Variants in ITGA9 observed in about 807,000 individuals in gnomAD.
The protein encoded by ITGA9 is integrin alpha-9.
ITGA9 carries 56 observed loss-of-function variants against 127.8 expected under a neutral mutation model. The observed-to-expected ratio is 0.44, with a 90% CI of 0.35 to 0.55. The LOEUF (loss-of-function observed/expected upper bound fraction) is 0.55. Ranked by LOEUF, ITGA9 falls within the 20% of genes least tolerant of loss-of-function variation. The pLI, the probability that ITGA9 is intolerant of heterozygous loss-of-function variation, is 0.00. For synonymous variants in ITGA9, 508 were observed against 514.5 expected (o/e 0.99, Z 0.17); for missense variants, 1,196 against 1,347.1 (o/e 0.89, Z 1.76).
intron 1 of ITGA9, among the ~76,000 whole-genome samples, chr3:37,463,919 A>G (rs1698342891): frequency 6.6e-6 from 1 of 152,226 alleles, no homozygotes; most frequent in African/African-American, 2.4e-5. Flanking sequence ...AGGGCATTGC[A>G]GTGGGAATAC....
chr3:37,458,569 C>T (rs1698284317), intron 1 of ITGA9, among the ~76,000 whole-genome samples: 1 of 152,238 alleles, frequency 6.6e-6, no homozygotes, highest in Non-Finnish European at 1.5e-5. Context: ...AAAGCTGCAG[C>T]TGGAGGCTGT....
At chr3:37,777,312 C>T (rs915575425) in intron 23 of ITGA9, 80 bp from the exon 24 acceptor site, 1 of 1,497,860 alleles carries the variant, frequency 6.7e-7, no homozygotes, top group Non-Finnish European at 9.3e-7. Flanking sequence ...TCTACCACTC[C>T]TGCCTCTACA....
chr3:37,764,934 C>G (rs769099357), intron 23 of ITGA9, among the ~76,000 whole-genome samples: 1 of 152,204 alleles, frequency 6.6e-6, no homozygotes, highest in African/African-American at 2.4e-5. Flanking sequence ...CCATTACTCT[C>G]TATCTCATTT....
intron 17 of ITGA9, among the ~76,000 whole-genome samples, chr3:37,671,785 A>T (rs1324111407): frequency 1.3e-5 from 2 of 152,166 alleles, no homozygotes; most frequent in Non-Finnish European, 2.9e-5. Context: ...GTTTTGCCTG[A>T]TTAGAAGGGA....
chr3:37,758,329 CAAAAAAAAAAA>C (rs57505967), intron 23 of ITGA9, among the ~76,000 whole-genome samples: 1 of 65,976 alleles, frequency 1.5e-5, no homozygotes, highest in Non-Finnish European at 2.5e-5. Context: ...GACTCCGTCT[CAAAAAAAAAAA>C]AAAAAAAAAA....
chr3:37,561,590 G>T (rs993914701), intron 15 of ITGA9, among the ~76,000 whole-genome samples: 1 of 152,208 alleles, frequency 6.6e-6, no homozygotes, highest in African/African-American at 2.4e-5. Flanking sequence ...TAGAGCCCAA[G>T]CTCCATTAGC....
intron 16 of ITGA9, among the ~76,000 whole-genome samples, chr3:37,631,320 G>A (rs1025514571): frequency 2.0e-5 from 3 of 152,194 alleles, no homozygotes; most frequent in Non-Finnish European, 2.9e-5. Flanking sequence ...TCTGTCAGTG[G>A]CACAGATGTG....
At position 37,452,712 on chromosome 3, in the gene ITGA9, G is replaced by C. The variant is rs1698209070; in HGVS notation, c.185+153G>C. On this transcript the variant is annotated intron_variant, in intron 1 of 27. Transcript: ENST00000264741. This position sits in a 1 kb window ranked among gnomAD's most constrained non-coding sequence, Gnocchi z 7.3. ...GTTGCGCGCGGCTCGGCCGCCGGGG[G>C]ACGGCGGGAGAAGGGAGGACGCCGT... Among the ~76,000 whole-genome samples the C allele has an allele frequency of 6.6e-6, 1 of 152,044 alleles. No homozygotes were observed. The highest frequency in any genetic ancestry group is 1.5e-5 in the Non-Finnish European group (1 of 67,958).
chr3:37,532,602 T>A (rs796801074), intron 13 of ITGA9, among the ~76,000 whole-genome samples: 4 of 137,600 alleles, frequency 2.9e-5, no homozygotes, highest in African/African-American at 1.0e-4. Context: ...TTACTCTTTG[T>A]TTTTGTGGGA....
At chr3:37,458,500 T>C (rs1698283734) in intron 1 of ITGA9, among the ~76,000 whole-genome samples, 1 of 152,226 alleles carries the variant, frequency 6.6e-6, no homozygotes, top group Non-Finnish European at 1.5e-5. Flanking sequence ...GGTCAGGTAT[T>C]GGCTGGAGCT....
chr3:37,672,615 TG>T (rs140690889), intron 17 of ITGA9, among the ~76,000 whole-genome samples: 1,628 of 152,226 alleles, frequency 0.011, 28 homozygotes, highest in African/African-American at 0.036. Context: ...TGGTAAGCTT[TG>T]AACAGAAGAA....
At chr3:37,485,998 C>T (rs1276188708) in intron 4 of ITGA9, among the ~76,000 whole-genome samples, 1 of 152,184 alleles carries the variant, frequency 6.6e-6, no homozygotes, top group Non-Finnish European at 1.5e-5. Flanking sequence ...AATTAAAGGG[C>T]AAGCACTATA....
intron 22 of ITGA9, among the ~76,000 whole-genome samples, chr3:37,747,192 A>C (rs937205054): frequency 2.6e-5 from 4 of 152,242 alleles, no homozygotes; most frequent in African/African-American, 7.2e-5. Flanking sequence ...CAATTATTTT[A>C]ATATGTTTAC....
At chr3:37,490,333 C>T (rs947566455) in intron 4 of ITGA9, among the ~76,000 whole-genome samples, 2 of 152,180 alleles carry the variant, frequency 1.3e-5, no homozygotes, top group Non-Finnish European at 2.9e-5. Context: ...AACATATTGA[C>T]ATACTGATTC....
intron 15 of ITGA9, among the ~76,000 whole-genome samples, chr3:37,586,459 A>G (rs1038855748): frequency 1.3e-5 from 2 of 152,174 alleles, no homozygotes; most frequent in Non-Finnish European, 2.9e-5. Flanking sequence ...TTCCCTCCTA[A>G]AAAAGGACAT....
chr3:37,552,668 T>C (rs1302165725), intron 15 of ITGA9, among the ~76,000 whole-genome samples: 1 of 152,166 alleles, frequency 6.6e-6, no homozygotes, highest in Non-Finnish European at 1.5e-5. Flanking sequence ...TGTGCATGCA[T>C]GTACTCCAGC....
intron 18 of ITGA9, among the ~76,000 whole-genome samples, chr3:37,701,796 C>G (rs1700949296): frequency 6.6e-6 from 1 of 152,194 alleles, no homozygotes; most frequent in African/African-American, 2.4e-5. Flanking sequence ...CCACACTTCT[C>G]TTTTTCACTC....
chr3:37,650,689 C>A (rs1037669669), intron 16 of ITGA9, among the ~76,000 whole-genome samples: 2 of 152,184 alleles, frequency 1.3e-5, no homozygotes, highest in African/African-American at 2.4e-5. Flanking sequence ...CCTCAGCCTC[C>A]CAAAGTGCTG....
intron 27 of ITGA9, among the ~76,000 whole-genome samples, chr3:37,812,717 C>T (rs1312987229): frequency 1.3e-5 from 2 of 152,152 alleles, no homozygotes; most frequent in African/African-American, 4.8e-5. Flanking sequence ...CAAAGCTTGG[C>T]TTGAGTCACC....
Sources: gnomAD v4.1 joint callset for allele counts (sites outside exome capture counted in the v4.1 genomes callset) on GRCh38, gnomAD v4.1.1 for gene constraint, Gnocchi (gnomAD v3.1) non-coding constraint, MANE v1.5 for transcripts, NCBI Gene and HGNC (gene_info 2026-07-23, HGNC 2026-07-21) for gene names.